The following LUZP2 variants were observed in gnomAD, a reference collection of about 807,000 sequenced individuals.
The protein encoded by LUZP2 is leucine zipper protein 2.
Under a neutral mutation model 51.6 loss-of-function variants are expected in LUZP2, and 52 were observed. The ratio of observed to expected loss-of-function variants is 1.01; its 90% CI spans 0.81 to 1.27. The LOEUF (loss-of-function observed/expected upper bound fraction) is 1.27, where lower values mean the gene tolerates loss of function less well. Among genes scored for constraint, LUZP2 ranks in the 50% most tolerant of loss-of-function variants. LUZP2 has a pLI of 0.00. For synonymous variants in LUZP2, 154 were observed against 137.3 expected (o/e 1.12, Z -0.85); for missense variants, 436 against 395.4 (o/e 1.10, Z -0.87).
chr11:24,923,107 C>T (rs925773490), intron 7 of LUZP2, among the ~76,000 whole-genome samples: 3 of 151,790 alleles, frequency 2.0e-5, no homozygotes, highest in African/African-American at 4.8e-5. Context: ...TTCGGCCTCC[C>T]AAAGTTCTGG....
chr11:25,070,855 G>GA (rs1261332461), intron 10 of LUZP2, among the ~76,000 whole-genome samples: 1 of 147,158 alleles, frequency 6.8e-6, no homozygotes, highest in East Asian at 2.0e-4. Context: ...GACAAAATAA[G>GA]AAAAAACTTT....
chr11:24,741,205 A>G (rs1859126973), intron 4 of LUZP2, among the ~76,000 whole-genome samples: 1 of 152,028 alleles, frequency 6.6e-6, no homozygotes, highest in Non-Finnish European at 1.5e-5. Context: ...AAAAGCCAGC[A>G]TTGAAATGTT....
chr11:25,056,736 A>G (rs888959554), intron 10 of LUZP2, among the ~76,000 whole-genome samples: 1 of 152,144 alleles, frequency 6.6e-6, no homozygotes, highest in African/African-American at 2.4e-5. Flanking sequence ...TGGTCAGGTA[A>G]AGAGCCCAGG....
intron 6 of LUZP2, among the ~76,000 whole-genome samples, chr11:24,911,215 A>G (rs1201821625): frequency 1.3e-5 from 2 of 152,224 alleles, no homozygotes; most frequent in Middle Eastern, 3.4e-3. Context: ...GCAGAAGGGA[A>G]TTGTGTTCTC....
intron 1 of LUZP2, among the ~76,000 whole-genome samples, chr11:24,600,410 C>CTGTTGT (rs1853588115): frequency 6.6e-6 from 1 of 152,100 alleles, no homozygotes; most frequent in Admixed American, 6.6e-5. Flanking sequence ...GAATACATTT[C>CTGTTGT]TGTTGTTTTA....
At position 25,081,614 on chromosome 11, in the gene LUZP2, G is replaced by C. The variant is rs1859461555; in HGVS notation, c.*2956G>C. 1 of 152,104 alleles carries C rather than the reference G, an allele frequency of 6.6e-6. No homozygotes were observed. Among genetic ancestry groups the C allele is most frequent in the Non-Finnish European group, 1.5e-5 (1 of 68,016 alleles). 9.4% of individuals were successfully genotyped at this position (152,104 alleles called of 1,614,324 possible). ...AAATGTTCCTCTTACATTTGTGAAT[G>C]TGTCTATGAGAGAGGGGCCATTTCT... On this transcript the variant is annotated 3_prime_UTR_variant, in exon 12 of 12. Transcript: ENST00000336930.
At chr11:24,924,308 C>A (rs1354148793) in intron 7 of LUZP2, among the ~76,000 whole-genome samples, 1 of 152,050 alleles carries the variant, frequency 6.6e-6, no homozygotes, top group Non-Finnish European at 1.5e-5. Flanking sequence ...GGTCTCCTGA[C>A]CTCAGGTGAT....
At chr11:24,574,836 T>C (rs1308516624) in intron 1 of LUZP2, among the ~76,000 whole-genome samples, 1 of 152,138 alleles carries the variant, frequency 6.6e-6, no homozygotes, top group Admixed American at 6.6e-5. Flanking sequence ...AGTTGTAACA[T>C]TGACTAGATA....
intron 5 of LUZP2, among the ~76,000 whole-genome samples, chr11:24,880,909 T>C (rs1418885761): frequency 6.6e-6 from 1 of 152,198 alleles, no homozygotes; most frequent in Non-Finnish European, 1.5e-5. Flanking sequence ...TAATATGTCC[T>C]TTCAAATGTA....
chr11:24,516,941 A>G (rs2133790088), intron 1 of LUZP2, among the ~76,000 whole-genome samples: 1 of 151,908 alleles, frequency 6.6e-6, no homozygotes, highest in Non-Finnish European at 1.5e-5. Context: ...CAAGAAATAA[A>G]CTCTGTGATA....
At position 24,728,100 on chromosome 11, in the gene LUZP2, A is replaced by T. The variant is rs149584409; in HGVS notation, c.63-1069A>T. ...GTAAGTTAACTGTTACATTTTACAG[A>T]TTCTCAACTAAAGCTGAGAGAATTT... On this transcript the variant is annotated intron_variant, in intron 1 of 11. Transcript: ENST00000336930. Among the ~76,000 whole-genome samples the T allele has an allele frequency of 2.9e-3, 435 of 152,182 alleles. 1 individual carries two copies. The highest frequency in any genetic ancestry group is 0.01 in the African/African-American group (419 of 41,562).
At chr11:25,052,503 C>G (rs1218393002) in intron 10 of LUZP2, among the ~76,000 whole-genome samples, 1 of 152,074 alleles carries the variant, frequency 6.6e-6, no homozygotes, top group Admixed American at 6.5e-5. Context: ...TCATAAGAAC[C>G]CTCTGGGGAG....
intron 5 of LUZP2, among the ~76,000 whole-genome samples, chr11:24,812,809 A>C (rs1359311309): frequency 1.3e-5 from 2 of 152,292 alleles, no homozygotes; most frequent in African/African-American, 4.8e-5. Flanking sequence ...AGCCACTGTC[A>C]CAGAAAACTC....
intron 1 of LUZP2, among the ~76,000 whole-genome samples, chr11:24,602,383 T>TACAC (rs550126763): frequency 9.7e-4 from 42 of 43,192 alleles, no homozygotes; most frequent in African/African-American, 2.2e-3. Context: ...TGTATATATA[T>TACAC]ATATACACAC....
chr11:24,782,847 C>G (rs924546620), intron 5 of LUZP2, among the ~76,000 whole-genome samples: 1 of 151,978 alleles, frequency 6.6e-6, no homozygotes, highest in Non-Finnish European at 1.5e-5. Flanking sequence ...AATGACAAGC[C>G]TTTTATATAC....
intron 7 of LUZP2, among the ~76,000 whole-genome samples, chr11:24,937,900 C>CA (rs1160488593): frequency 0.017 from 1,851 of 106,780 alleles, 22 homozygotes; most frequent in East Asian, 0.078. Context: ...GATTCCCTCT[C>CA]AAAAAAAAAA....
intron 5 of LUZP2, among the ~76,000 whole-genome samples, chr11:24,765,882 T>C (rs1262447719): frequency 1.3e-5 from 2 of 152,122 alleles, no homozygotes; most frequent in Non-Finnish European, 2.9e-5. Context: ...TGCCTAGGCC[T>C]CCCAAAGTGC....
chr11:24,788,224 C>T (rs1211065294), intron 5 of LUZP2, among the ~76,000 whole-genome samples: 3 of 117,054 alleles, frequency 2.6e-5, no homozygotes, highest in African/African-American at 3.3e-5. Context: ...GAGTCTCACT[C>T]GGTTGCCCAG....
At chr11:25,039,375 G>T (rs776378909) in intron 9 of LUZP2, among the ~76,000 whole-genome samples, 3 of 152,152 alleles carry the variant, frequency 2.0e-5, no homozygotes, top group Non-Finnish European at 2.9e-5. Context: ...ATGCACCTGT[G>T]GGGTAGCCAG....
Sources: allele counts gnomAD v4.1 joint callset (sites outside exome capture counted in the v4.1 genomes callset), GRCh38; gene constraint gnomAD v4.1.1; transcripts MANE v1.5; gene names NCBI Gene and HGNC (gene_info 2026-07-23, HGNC 2026-07-21).